The following NXPE2 variants were observed in gnomAD, a reference collection of about 807,000 sequenced individuals.
NXPE2 encodes NXPE family member 2.
NXPE2 carries 34 observed loss-of-function variants against 34.4 expected under a neutral mutation model. The observed-to-expected ratio is 0.99, with a 90% confidence interval of 0.75 to 1.31. The LOEUF is 1.31. Among genes scored for constraint, NXPE2 ranks in the 40% most tolerant of loss-of-function variants. The pLI, the probability that NXPE2 is intolerant of heterozygous loss-of-function variation, is 0.00. For missense variants in NXPE2, 649 were observed against 672.5 expected (o/e 0.97, Z 0.39); for synonymous variants, 235 against 231.3 (o/e 1.02, Z -0.15).
the NXPE2 span, among the ~76,000 whole-genome samples, chr11:114,603,678 A>C: frequency 2.6e-5 from 4 of 151,172 alleles, no homozygotes; most frequent in African/African-American, 9.7e-5. Context: ...CTCTTGGGTA[A>C]CTCCTATTAC....
chr11:114,558,914 T>A, the NXPE2 span, among the ~76,000 whole-genome samples: 116 of 152,270 alleles, frequency 7.6e-4, no homozygotes, highest in African/African-American at 2.7e-3. Flanking sequence ...GCTGTAATTG[T>A]AGGGAATTAA....
the NXPE2 span, among the ~76,000 whole-genome samples, chr11:114,579,850 T>G: frequency 6.6e-6 from 1 of 152,214 alleles, no homozygotes; most frequent in African/African-American, 2.4e-5. Context: ...TTACATTATC[T>G]TTGGTTCCAT....
At chr11:114,636,231 A>G in the NXPE2 span, among the ~76,000 whole-genome samples, 6 of 151,948 alleles carry the variant, frequency 3.9e-5, no homozygotes, top group Non-Finnish European at 8.8e-5. Context: ...TTTTTTCTAG[A>G]TTCTCTAGTT....
the NXPE2 span, among the ~76,000 whole-genome samples, chr11:114,795,255 T>C: frequency 6.6e-6 from 1 of 152,168 alleles, no homozygotes; most frequent in Non-Finnish European, 1.5e-5. Context: ...ATCTAGACTT[T>C]GCAGATGAGC....
the NXPE2 span, among the ~76,000 whole-genome samples, chr11:114,555,615 C>G: frequency 3.3e-5 from 5 of 152,182 alleles, no homozygotes; most frequent in Non-Finnish European, 7.3e-5. Flanking sequence ...TAGAATATTA[C>G]CACCACCCCA....
the NXPE2 span, among the ~76,000 whole-genome samples, chr11:114,533,499 C>A: frequency 6.6e-6 from 1 of 152,166 alleles, no homozygotes; most frequent in Admixed American, 6.5e-5. Context: ...TCGCCTCACC[C>A]GGGAAGCACA....
the NXPE2 span, among the ~76,000 whole-genome samples, chr11:114,482,625 GTGCC>G: frequency 4.6e-5 from 7 of 152,106 alleles, no homozygotes; most frequent in Non-Finnish European, 4.4e-5. Flanking sequence ...CAGCTGCAAG[GTGCC>G]TTAGTTAATA....
the NXPE2 span, among the ~76,000 whole-genome samples, chr11:114,564,150 G>A: frequency 0.02 from 3,052 of 152,224 alleles, 94 homozygotes; most frequent in African/African-American, 0.067. Context: ...AATGGCATTC[G>A]CAGCAACCTG....
At chr11:114,718,383 C>T in the NXPE2 span, among the ~76,000 whole-genome samples, 4 of 152,300 alleles carry the variant, frequency 2.6e-5, no homozygotes, top group African/African-American at 7.2e-5. Flanking sequence ...TCAAAGTCAA[C>T]ATTAACAACA....
the NXPE2 span, among the ~76,000 whole-genome samples, chr11:114,570,135 C>G: frequency 0.21 from 31,511 of 152,068 alleles, 4,313 homozygotes; most frequent in African/African-American, 0.38. Context: ...AGGAAAAGCC[C>G]TTTGTTTGGG....
chr11:114,617,160 C>A, the NXPE2 span, among the ~76,000 whole-genome samples: 173 of 151,828 alleles, frequency 1.1e-3, no homozygotes, highest in Non-Finnish European at 2.1e-3. Flanking sequence ...TTGTGGGTAA[C>A]CATTGTTACC....
At chr11:114,687,505 G>T (rs1216246569) in intron 2 of NXPE2, among the ~76,000 whole-genome samples, 1 of 151,974 alleles carries the variant, frequency 6.6e-6, no homozygotes, top group African/African-American at 2.4e-5. Flanking sequence ...GTGGTGTTTT[G>T]GTTACTGTAA....
chr11:114,813,667 ACAAATGTTG>A, the NXPE2 span, among the ~76,000 whole-genome samples: 1 of 152,244 alleles, frequency 6.6e-6, no homozygotes, highest in East Asian at 1.9e-4. Flanking sequence ...GTCAAATGCT[ACAAATGTTG>A]CAATGAATAA....
chr11:114,538,616 G>A, the NXPE2 span, among the ~76,000 whole-genome samples: 17 of 152,230 alleles, frequency 1.1e-4, no homozygotes, highest in East Asian at 3.9e-4. Context: ...AAAAGTGGGC[G>A]AAGGATATGA....
chr11:114,787,827 T>G, the NXPE2 span, among the ~76,000 whole-genome samples: 1 of 152,270 alleles, frequency 6.6e-6, no homozygotes, highest in South Asian at 2.1e-4. Flanking sequence ...TGCCCATCCC[T>G]CTGCCCGTGT....
chr11:114,715,421 A>T, the NXPE2 span, among the ~76,000 whole-genome samples: 2 of 152,220 alleles, frequency 1.3e-5, no homozygotes, highest in African/African-American at 4.8e-5. Flanking sequence ...GAGTTGAAGT[A>T]TTTCTGTTAC....
At chr11:114,806,304 G>A in the NXPE2 span, among the ~76,000 whole-genome samples, 1 of 152,200 alleles carries the variant, frequency 6.6e-6, no homozygotes, top group South Asian at 2.1e-4. Context: ...TCCTCCAAAG[G>A]AATGCAGCTC....
At chr11:114,769,123 C>G in the NXPE2 span, among the ~76,000 whole-genome samples, 1 of 151,350 alleles carries the variant, frequency 6.6e-6, no homozygotes, top group East Asian at 1.9e-4. Context: ...GAAAAAAAAA[C>G]AACCCCATCA....
the NXPE2 span, among the ~76,000 whole-genome samples, chr11:114,673,280 T>C: frequency 6.6e-6 from 1 of 151,318 alleles, no homozygotes; most frequent in Non-Finnish European, 1.5e-5. Context: ...TTCAGATGAA[T>C]GAAAATGAAG....
Sources: allele counts gnomAD v4.1 joint callset (sites outside exome capture counted in the v4.1 genomes callset), GRCh38; gene constraint gnomAD v4.1.1; transcripts MANE v1.5; gene names NCBI Gene and HGNC (gene_info 2026-07-23, HGNC 2026-07-21).